Variants in M1AP observed in about 807,000 individuals in gnomAD.
M1AP encodes the protein meiosis 1 associated protein, also known as meiosis 1 arrest protein.
M1AP carries 39 observed loss-of-function variants against 51.2 expected under a neutral mutation model. The observed-to-expected ratio is 0.76, with a 90% confidence interval of 0.59 to 1.00. The LOEUF is 1.00. Among genes scored for constraint, M1AP ranks in the 50% least tolerant of loss-of-function variants. The probability of loss-of-function intolerance (pLI) is 0.00; values close to 1 mark genes in which losing one functional copy is unlikely to be tolerated. For synonymous variants in M1AP, 251 were observed against 249.2 expected (o/e 1.01, Z -0.07); for missense variants, 545 against 641.2 (o/e 0.85, Z 1.62).
intron 4 of M1AP, among the ~76,000 whole-genome samples, chr2:74,592,857 G>C (rs1680125676): frequency 6.6e-6 from 1 of 152,106 alleles, no homozygotes; most frequent in Non-Finnish European, 1.5e-5. Flanking sequence ...ATTACTTTTT[G>C]AGCAAGTTCA....
At chr2:74,636,064 C>A (rs1334633243) in intron 2 of M1AP, among the ~76,000 whole-genome samples, 1 of 151,934 alleles carries the variant, frequency 6.6e-6, no homozygotes, top group East Asian at 1.9e-4. Context: ...ACACTGAATC[C>A]AACTATAATT....
intron 2 of M1AP, among the ~76,000 whole-genome samples, 172 bp downstream of exon 2, chr2:74,639,864 C>A (rs1021135659): frequency 6.6e-6 from 1 of 152,230 alleles, no homozygotes. Flanking sequence ...ACAGTACACA[C>A]CCCTATATAT....
chr2:74,613,789 A>C (rs930489783), intron 3 of M1AP, among the ~76,000 whole-genome samples: 1 of 152,154 alleles, frequency 6.6e-6, no homozygotes, highest in African/African-American at 2.4e-5. Context: ...TTTTCCCCCG[A>C]TGTTTACAAG....
At chr2:74,592,737 G>A (rs1347700694) in intron 4 of M1AP, among the ~76,000 whole-genome samples, 1 of 152,088 alleles carries the variant, frequency 6.6e-6, no homozygotes, top group Non-Finnish European at 1.5e-5. Flanking sequence ...TGCTGAGATT[G>A]TAAAGAAATT....
chr2:74,643,171 A>C (rs1044569564), intron 1 of M1AP, among the ~76,000 whole-genome samples: 2 of 152,208 alleles, frequency 1.3e-5, no homozygotes, highest in African/African-American at 4.8e-5. Context: ...AAAAAGTCAG[A>C]TCATAGCAGC....
At chr2:74,598,521 A>G (rs1680475887) in intron 4 of M1AP, among the ~76,000 whole-genome samples, 1 of 152,072 alleles carries the variant, frequency 6.6e-6, no homozygotes, top group Non-Finnish European at 1.5e-5. Flanking sequence ...AATATTGAAA[A>G]GATGCATTCA....
chr2:74,601,347 G>A (rs1186266636), intron 4 of M1AP, among the ~76,000 whole-genome samples: 1 of 151,970 alleles, frequency 6.6e-6, no homozygotes, highest in Non-Finnish European at 1.5e-5. Context: ...AGAGCAGTTG[G>A]TATGGTATAG....
chr2:74,622,481 C>T (rs1300471908), intron 2 of M1AP, among the ~76,000 whole-genome samples: 3 of 151,442 alleles, frequency 2.0e-5, no homozygotes, highest in East Asian at 3.9e-4. Flanking sequence ...GTGATCTGCC[C>T]GCCTTGGCCT....
At chr2:74,628,372 C>T in intron 2 of M1AP, 2 of 379,616 alleles carry the variant, frequency 5.3e-6, no homozygotes, top group Non-Finnish European at 1.1e-5. Flanking sequence ...AACTGCTTTA[C>T]AAGATACGAG....
intron 2 of M1AP, chr2:74,618,939 C>A: frequency 3.7e-6 from 2 of 534,802 alleles, no homozygotes. Flanking sequence ...GTCATTTCCT[C>A]TGCCACTCTT....
chr2:74,561,869 C>T, intron 8 of M1AP: 1 of 985,130 alleles, frequency 1.0e-6, no homozygotes, highest in South Asian at 4.7e-5. Context: ...TTTTCTCCTT[C>T]ACAGCCACCC....
At position 74,581,806 on chromosome 2, in the gene M1AP, C is replaced by T. The variant is rs1049514596; in HGVS notation, c.637G>A (p.Asp213Asn). 2.5e-6 allele frequency: 4 copies of T among 1,613,960 alleles called. No individual in the cohort carries two copies. The highest frequency in any genetic ancestry group is 1.7e-5 in the Admixed American group (1 of 60,020). ...LGTDIDLQTIDNDIVSMEIFF... is the reference protein window; with the variant it reads ...LGTDIDLQTINNDIVSMEIFF... Reference sequence around the variant, plus strand: ...ATCTCCATGCTGACGATATCATTGTCTATAGTCTGAAGGTCAATGTCAGTT... The same window carrying T: ...ATCTCCATGCTGACGATATCATTGTTTATAGTCTGAAGGTCAATGTCAGTT... Residue 213 changes from aspartate to asparagine, a missense_variant, in exon 5 of 11, where the codon GAC (aspartate) becomes AAC (asparagine). By Grantham distance (23) the Asp-to-Asn change is conservative (BLOSUM62 1). Transcript: ENST00000421985.
chr2:74,601,643 A>G (rs1222928890), intron 4 of M1AP, among the ~76,000 whole-genome samples: 1 of 152,182 alleles, frequency 6.6e-6, no homozygotes, highest in African/African-American at 2.4e-5. Context: ...AAAATGAAAA[A>G]GACCAGGAAC....
At chr2:74,627,605 G>C (rs972048472) in intron 2 of M1AP, among the ~76,000 whole-genome samples, 5 of 152,064 alleles carry the variant, frequency 3.3e-5, no homozygotes, top group African/African-American at 1.2e-4. Context: ...AAGTTCTAAA[G>C]AAAAATCTGG....
chr2:74,580,686 C>T (rs1303939494), intron 5 of M1AP, among the ~76,000 whole-genome samples: 2 of 152,196 alleles, frequency 1.3e-5, no homozygotes, highest in African/African-American at 2.4e-5. Context: ...CAAGAAAGAG[C>T]TCTCAAAGGA....
intron 2 of M1AP, among the ~76,000 whole-genome samples, chr2:74,617,418 C>A (rs1044292340): frequency 1.3e-5 from 2 of 152,148 alleles, no homozygotes; most frequent in African/African-American, 4.8e-5. Context: ...TCCAAGCTAA[C>A]GCAGGAACAG....
intron 2 of M1AP, chr2:74,620,596 A>AAAGAG (rs1414664813): frequency 1.1e-5 from 2 of 181,472 alleles, no homozygotes; most frequent in Non-Finnish European, 2.4e-5. Flanking sequence ...AATGCAAAGA[A>AAAGAG]AAGAGAAGCA....
chr2:74,575,608 T>C (rs766552022), intron 6 of M1AP, 29 bp from the exon 7 acceptor site: 43 of 1,566,862 alleles, frequency 2.7e-5, no homozygotes, highest in Non-Finnish European at 3.7e-5. Flanking sequence ...AGTCAAAGAC[T>C]CCTTAGTGAT....
chr2:74,558,643 CCA>C lies in M1AP; in HGVS notation c.*71_*72del. On this transcript the variant is annotated 3_prime_UTR_variant, in exon 11 of 11. Coordinates refer to ENST00000421985, the MANE Select transcript of M1AP (RefSeq NM_001321739.2). ...TCAGGCGGATAGAGAGCAAGTCTGA[CCA>C]CAGATAGCCATTATGTGAACCTGAG... 6.4e-7 allele frequency: 1 copy of C among 1,558,170 alleles called. No homozygotes were observed. The highest frequency in any genetic ancestry group is 1.2e-5 in the South Asian group (1 of 85,876).
Sources: gnomAD v4.1 joint callset for allele counts (sites outside exome capture counted in the v4.1 genomes callset) on GRCh38, gnomAD v4.1.1 for gene constraint, MANE v1.5 for transcripts, NCBI Gene and HGNC (gene_info 2026-07-23, HGNC 2026-07-21) for gene names.